Variants in PDE7B observed in about 807,000 individuals in gnomAD.
PDE7B encodes 3',5'-cyclic-AMP phosphodiesterase 7B.
In PDE7B, 29 loss-of-function variants were observed where a neutral mutation model predicts 56.2. The ratio of observed to expected loss-of-function variants is 0.52; its 90% CI spans 0.38 to 0.70. The LOEUF (loss-of-function observed/expected upper bound fraction) is 0.70, where lower values mean the gene tolerates loss of function less well. PDE7B is among the 30% of genes least tolerant of loss of function. The pLI, the probability that PDE7B is intolerant of heterozygous loss-of-function variation, is 0.00. For missense variants in PDE7B, 490 were observed against 565.0 expected, an observed-to-expected ratio of 0.87 and a Z score of 1.35; for synonymous variants, 197 against 196.9, an observed-to-expected ratio of 1.00 and a Z score of 0.00.
intron 1 of PDE7B, among the ~76,000 whole-genome samples, chr6:135,861,304 C>T (rs1775140905): frequency 6.6e-6 from 1 of 151,676 alleles, no homozygotes; most frequent in African/African-American, 2.4e-5. Flanking sequence ...TTCAAAATTG[C>T]TCAAAGTGGT....
intron 2 of PDE7B, among the ~76,000 whole-genome samples, chr6:136,058,972 G>A (rs1217975337): frequency 6.6e-6 from 1 of 152,124 alleles, no homozygotes; most frequent in African/African-American, 2.4e-5. Flanking sequence ...TAGAGAGTCA[G>A]CAACTTAAAT....
At chr6:135,858,315 G>C (rs1775077167) in intron 1 of PDE7B, among the ~76,000 whole-genome samples, 1 of 151,868 alleles carries the variant, frequency 6.6e-6, no homozygotes, top group African/African-American at 2.4e-5. Flanking sequence ...ACCACACCTG[G>C]CTAATTTTTG....
At chr6:136,021,613 C>T (rs970968009) in intron 2 of PDE7B, among the ~76,000 whole-genome samples, 1 of 150,240 alleles carries the variant, frequency 6.7e-6, no homozygotes, top group African/African-American at 2.5e-5. Flanking sequence ...CACTGCACTC[C>T]AGTCTGGGTG....
chr6:135,892,134 A>G (rs1775819588), intron 1 of PDE7B, among the ~76,000 whole-genome samples: 3 of 152,218 alleles, frequency 2.0e-5, no homozygotes, highest in East Asian at 1.9e-4. Flanking sequence ...GAAGTTAAAT[A>G]TGAGTCACTT....
chr6:136,104,598 A>G (rs982788436), intron 2 of PDE7B, among the ~76,000 whole-genome samples: 1 of 152,234 alleles, frequency 6.6e-6, no homozygotes, highest in Non-Finnish European at 1.5e-5. Flanking sequence ...AGAAGGAAAG[A>G]AAACTTTCTA....
At chr6:136,103,919 G>C (rs1218930790) in intron 2 of PDE7B, among the ~76,000 whole-genome samples, 1 of 152,136 alleles carries the variant, frequency 6.6e-6, no homozygotes, top group Non-Finnish European at 1.5e-5. Flanking sequence ...AGTTGTCATC[G>C]CTGTCAGAGT....
At chr6:136,182,933 C>T (rs994122905) in intron 11 of PDE7B, among the ~76,000 whole-genome samples, 37 of 151,930 alleles carry the variant, frequency 2.4e-4, no homozygotes, top group Middle Eastern at 3.4e-3. Flanking sequence ...ATCAGCCGGG[C>T]GTGGCGGCAC....
intron 1 of PDE7B, among the ~76,000 whole-genome samples, chr6:135,873,260 C>T (rs1775423029): frequency 6.6e-6 from 1 of 152,152 alleles, no homozygotes; most frequent in Non-Finnish European, 1.5e-5. Context: ...CTAAACCATT[C>T]ACAAACACAA....
chr6:135,856,965 C>T (rs1312046134), intron 1 of PDE7B, among the ~76,000 whole-genome samples: 1 of 151,750 alleles, frequency 6.6e-6, no homozygotes, highest in Non-Finnish European at 1.5e-5. Context: ...CTTCCTCCCT[C>T]CTCTCTTCCT....
chr6:136,016,588 G>C (rs902588617), intron 2 of PDE7B, among the ~76,000 whole-genome samples: 2 of 152,132 alleles, frequency 1.3e-5, no homozygotes, highest in African/African-American at 4.8e-5. Context: ...AAAGTAACTA[G>C]CCCAATGTTG....
At chr6:136,152,154 A>G (rs1466084366) in intron 6 of PDE7B, among the ~76,000 whole-genome samples, 5 of 152,098 alleles carry the variant, frequency 3.3e-5, no homozygotes, top group Non-Finnish European at 7.3e-5. Context: ...GTTTAAACCC[A>G]TGTTCTCAAG....
At chr6:136,040,903 C>T (rs867646650) in intron 2 of PDE7B, among the ~76,000 whole-genome samples, 25 of 152,180 alleles carry the variant, frequency 1.6e-4, no homozygotes, top group Admixed American at 1.4e-3. Context: ...TGATCTCCAG[C>T]GGCCTCCCGT....
intron 9 of PDE7B, among the ~76,000 whole-genome samples, chr6:136,175,738 A>T (rs1778966394): frequency 6.6e-6 from 1 of 152,106 alleles, no homozygotes; most frequent in African/African-American, 2.4e-5. Flanking sequence ...TTGGAATTCA[A>T]ATGGTTTCCA....
chr6:136,191,918 C>T lies in PDE7B; in HGVS notation c.*78C>T. The T allele has an allele frequency of 9.6e-7, 1 of 1,046,938 alleles. No homozygotes were observed. The highest frequency in any genetic ancestry group is 1.4e-6 in the Non-Finnish European group (1 of 710,604). The allele number at this position is 1,046,938 out of a possible 1,614,324, so 64.9% of individuals were successfully genotyped here. A position where few individuals can be genotyped will look rare whatever the true frequency, so the allele number is the denominator to read the frequency against. On this transcript the variant is annotated 3_prime_UTR_variant, in exon 13 of 13. Transcript: ENST00000308191. ...GAAGCAGCGTGGAGGGGCCCTCACG[C>T]AGCAGCCCAGCCACTTTCTGAGTGT...
chr6:135,921,238 G>C (rs1349150114), intron 1 of PDE7B, among the ~76,000 whole-genome samples: 2 of 152,128 alleles, frequency 1.3e-5, no homozygotes, highest in Non-Finnish European at 2.9e-5. Context: ...CCATGTGGCA[G>C]CATGCAGATG....
intron 2 of PDE7B, among the ~76,000 whole-genome samples, chr6:136,003,924 C>G (rs1462135400): frequency 1.3e-5 from 2 of 152,100 alleles, no homozygotes; most frequent in East Asian, 1.9e-4. Context: ...GACCAATATC[C>G]TTGATGAACA....
intron 8 of PDE7B, among the ~76,000 whole-genome samples, chr6:136,160,126 T>C (rs886427112): frequency 2.0e-5 from 3 of 152,192 alleles, no homozygotes; most frequent in Non-Finnish European, 4.4e-5. Flanking sequence ...AGATGCTTAC[T>C]CCTTCAACTT....
chr6:135,947,556 GCATGTTGATGT>G (rs1417602368), intron 2 of PDE7B, 32 bp downstream of exon 2: 3 of 1,464,126 alleles, frequency 2.0e-6, no homozygotes, highest in African/African-American at 1.4e-5. Flanking sequence ...AATATATTAA[GCATGTTGATGT>G]CATGTGGAGT....
intron 2 of PDE7B, among the ~76,000 whole-genome samples, chr6:135,996,465 A>G (rs1775566348): frequency 6.6e-6 from 1 of 152,220 alleles, no homozygotes; most frequent in Admixed American, 6.5e-5. Flanking sequence ...ACCACTAAGA[A>G]GTAACATAAT....
Sources: gnomAD v4.1 joint callset for allele counts (sites outside exome capture counted in the v4.1 genomes callset) on GRCh38, gnomAD v4.1.1 for gene constraint, MANE v1.5 for transcripts, NCBI Gene and HGNC (gene_info 2026-07-23, HGNC 2026-07-21) for gene names.